DPP6: variants seen among roughly 807,000 people sequenced by gnomAD.
The protein encoded by DPP6 is dipeptidyl peptidase like 6, also known as A-type potassium channel modulatory protein DPP6.
A neutral mutation model predicts 122.6 loss-of-function variants in DPP6; 69 were observed. That is an observed-to-expected ratio of 0.56 (90% CI 0.46 to 0.69). DPP6 has a LOEUF of 0.69. Among genes scored for constraint, DPP6 ranks in the 30% least tolerant of loss-of-function variants. The probability of loss-of-function intolerance (pLI) is 0.00; values close to 1 mark genes in which losing one functional copy is unlikely to be tolerated. For missense variants in DPP6, 928 were observed against 1,116.9 expected (o/e 0.83, Z 2.41); for synonymous variants, 418 against 433.1 (o/e 0.97, Z 0.43).
At chr7:154,245,345 C>T (rs1422894727) in intron 1 of DPP6, among the ~76,000 whole-genome samples, 1 of 151,862 alleles carries the variant, frequency 6.6e-6, no homozygotes, top group Non-Finnish European at 1.5e-5. Flanking sequence ...CATAAAAAAG[C>T]TATGGCTGGC....
At chr7:154,696,322 G>T (rs1265925638) in intron 7 of DPP6, among the ~76,000 whole-genome samples, 1 of 152,218 alleles carries the variant, frequency 6.6e-6, no homozygotes, top group Non-Finnish European at 1.5e-5. Flanking sequence ...CAGAGGGAGA[G>T]GAAAGGTTAC....
At chr7:153,949,663 A>G (rs1022473444) in intron 1 of DPP6, among the ~76,000 whole-genome samples, 7 of 152,202 alleles carry the variant, frequency 4.6e-5, no homozygotes, top group African/African-American at 1.7e-4. Context: ...TCTGGACTGT[A>G]ACACCCCAAA....
At chr7:153,913,063 T>A (rs1489262777) in intron 1 of DPP6, among the ~76,000 whole-genome samples, 1 of 152,176 alleles carries the variant, frequency 6.6e-6, no homozygotes, top group Non-Finnish European at 1.5e-5. Flanking sequence ...GGACTGTGTT[T>A]AGGAGTTGTG....
intron 3 of DPP6, among the ~76,000 whole-genome samples, chr7:154,477,716 G>A (rs1047062292): frequency 8.5e-5 from 13 of 152,126 alleles, no homozygotes; most frequent in African/African-American, 3.1e-4. Context: ...CGCAAAGCTG[G>A]GAGTTAATAC....
intron 4 of DPP6, among the ~76,000 whole-genome samples, chr7:154,551,628 TG>T (rs1326278461): frequency 1.3e-5 from 2 of 152,192 alleles, no homozygotes; most frequent in African/African-American, 2.4e-5. Flanking sequence ...AAAAACTTGT[TG>T]GATCTGTATT....
intron 1 of DPP6, among the ~76,000 whole-genome samples, chr7:154,293,051 C>G (rs116662776): frequency 0.029 from 4,387 of 152,194 alleles, 172 homozygotes; most frequent in African/African-American, 0.084. Context: ...GTGGGGGTTG[C>G]TGGCAATTCT....
At chr7:154,311,757 G>C (rs75021030) in intron 1 of DPP6, among the ~76,000 whole-genome samples, 1 of 152,076 alleles carries the variant, frequency 6.6e-6, no homozygotes, top group South Asian at 2.1e-4. Flanking sequence ...TCTACATCCC[G>C]GGTAGGCCCT....
chr7:154,882,243 C>T (rs905106003), intron 21 of DPP6, among the ~76,000 whole-genome samples: 1 of 152,198 alleles, frequency 6.6e-6, no homozygotes, highest in Admixed American at 6.5e-5. Flanking sequence ...ACCCTGTGCA[C>T]CTGTCAGAGC....
chr7:154,474,859 T>C, intron 2 of DPP6, 80 bp from the exon 3 acceptor site: 4 of 1,097,078 alleles, frequency 3.6e-6, no homozygotes, highest in Non-Finnish European at 4.1e-6. Flanking sequence ...TATTTATAAA[T>C]GACAATCAGA....
chr7:154,872,662 G>A lies in DPP6; in HGVS notation c.1852G>A (p.Asp618Asn), dbSNP rs765535617. The change falls in exon 19 of 26, where the codon GAC becomes AAC. Residue 618 changes from aspartate (D) to asparagine (N), a missense_variant. By Grantham distance (23) the Asp-to-Asn change is conservative. Coordinates refer to ENST00000377770, the MANE Select transcript of DPP6 (RefSeq NM_130797.4). Reference protein sequence around the residue: ...MQILKPATFTDTTHYPLLLVV... With the variant: ...MQILKPATFTNTTHYPLLLVV... ...GATACTGAAGCCAGCAACCTTCACCGACACCACCCACTACCCTCTGCTCCT... is the reference window on the plus strand; with the variant it reads ...GATACTGAAGCCAGCAACCTTCACCAACACCACCCACTACCCTCTGCTCCT... The A allele has an allele frequency of 3.1e-6, 5 of 1,601,670 alleles. No individual in the cohort carries two copies. The highest frequency in any genetic ancestry group is 1.1e-5 in the South Asian group (1 of 88,156).
chr7:154,751,697 A>G (rs1159976574), intron 8 of DPP6, among the ~76,000 whole-genome samples: 4 of 152,150 alleles, frequency 2.6e-5, no homozygotes, highest in African/African-American at 9.7e-5. Context: ...CCAGGCAGAT[A>G]GGACAGACAC....
chr7:153,773,670 T>G, the DPP6 span, among the ~76,000 whole-genome samples: 1 of 151,518 alleles, frequency 6.6e-6, no homozygotes, highest in Non-Finnish European at 1.5e-5. Flanking sequence ...AAAGTATAAA[T>G]AAACTATATC....
At chr7:154,478,114 A>G (rs1480284434) in intron 3 of DPP6, among the ~76,000 whole-genome samples, 1 of 152,032 alleles carries the variant, frequency 6.6e-6, no homozygotes, top group Non-Finnish European at 1.5e-5. Context: ...CGGAGTCTTT[A>G]TAATTGGTTT....
chr7:154,709,772 C>G (rs1841061302), intron 7 of DPP6, among the ~76,000 whole-genome samples: 2 of 152,138 alleles, frequency 1.3e-5, no homozygotes, highest in African/African-American at 4.8e-5. Context: ...TGGTATATCT[C>G]TCTCGCTTCT....
chr7:153,788,227 G>C, the DPP6 span, among the ~76,000 whole-genome samples: 2 of 152,224 alleles, frequency 1.3e-5, no homozygotes, highest in Non-Finnish European at 1.5e-5. Context: ...ATCCAGCCAT[G>C]TGCCAGAAAA....
chr7:153,916,054 C>T (rs1265698006), intron 1 of DPP6, among the ~76,000 whole-genome samples: 3 of 151,840 alleles, frequency 2.0e-5, no homozygotes, highest in African/African-American at 7.3e-5. Flanking sequence ...GCAAGCTCTG[C>T]CTCCCAGGTT....
intron 1 of DPP6, among the ~76,000 whole-genome samples, chr7:154,089,916 C>T (rs923714006): frequency 1.3e-5 from 2 of 152,210 alleles, no homozygotes; most frequent in African/African-American, 4.8e-5. Context: ...GCCCTGTCTA[C>T]CTTTAGAGGT....
intron 1 of DPP6, among the ~76,000 whole-genome samples, chr7:154,217,242 A>G (rs1451680196): frequency 1.3e-5 from 2 of 152,180 alleles, no homozygotes; most frequent in African/African-American, 4.8e-5. Context: ...TCATGGGAGC[A>G]TTGGTGCGGG....
At chr7:154,094,985 C>T (rs1361759851) in intron 1 of DPP6, 3 of 152,338 alleles carry the variant, frequency 2.0e-5, no homozygotes, top group Non-Finnish European at 4.4e-5. Flanking sequence ...ATGCATGCTG[C>T]AGGAATTTCC....
Sources: allele counts gnomAD v4.1 joint callset (sites outside exome capture counted in the v4.1 genomes callset), GRCh38; gene constraint gnomAD v4.1.1; transcripts MANE v1.5; gene names NCBI Gene and HGNC (gene_info 2026-07-23, HGNC 2026-07-21).